The following TSPEAR variants were observed in gnomAD, a reference collection of about 807,000 sequenced individuals.
TSPEAR encodes the protein thrombospondin-type laminin G domain and EAR repeat-containing protein.
Under a neutral mutation model 71.6 loss-of-function variants are expected in TSPEAR, and 69 were observed. That is an observed-to-expected ratio of 0.96 (90% CI 0.79 to 1.18). TSPEAR has a LOEUF of 1.18. TSPEAR is among the 50% of genes most tolerant of loss of function. The pLI is 0.00. For synonymous variants in TSPEAR, 402 were observed against 387.2 expected (o/e 1.04, Z -0.45); for missense variants, 971 against 894.9 (o/e 1.09, Z -1.09).
intron 2 of TSPEAR, among the ~76,000 whole-genome samples, chr21:44,556,464 G>A (rs782399111): frequency 1.7e-4 from 25 of 150,162 alleles, no homozygotes; most frequent in Non-Finnish European, 2.5e-4. Context: ...AGGCCGAGGC[G>A]GGTGGATCAT....
At chr21:44,525,503 C>T (rs2052836098) in intron 8 of TSPEAR, 150 bp downstream of exon 8, 3 of 861,454 alleles carry the variant, frequency 3.5e-6, no homozygotes, top group East Asian at 2.6e-5. Flanking sequence ...GTCCCTCCCC[C>T]AGACAGTGAG....
At chr21:44,518,617 T>C (rs1354103468) in intron 9 of TSPEAR, 4 of 469,314 alleles carry the variant, frequency 8.5e-6, no homozygotes, top group Non-Finnish European at 1.8e-5. Flanking sequence ...TTGTGGTGCC[T>C]TTCCATCCAG....
chr21:44,706,529 T>TC (rs1987935291), intron 1 of TSPEAR, among the ~76,000 whole-genome samples: 1 of 152,038 alleles, frequency 6.6e-6, no homozygotes, highest in Admixed American at 6.5e-5. Flanking sequence ...AGAACGATCC[T>TC]CCCTGAGTCC....
At chr21:44,580,045 G>T in intron 1 of TSPEAR, 1 of 1,594,410 alleles carries the variant, frequency 6.3e-7, no homozygotes, top group South Asian at 1.1e-5. Context: ...AGACAGGCTT[G>T]CAACAGACAG....
intron 2 of TSPEAR, among the ~76,000 whole-genome samples, chr21:44,559,748 C>T (rs2053606785): frequency 6.6e-6 from 1 of 152,160 alleles, no homozygotes; most frequent in Non-Finnish European, 1.5e-5. Context: ...GCTAGTAAGC[C>T]CCCAAAGTTC....
intron 1 of TSPEAR, among the ~76,000 whole-genome samples, chr21:44,590,652 G>T (rs587717681): frequency 6.6e-6 from 1 of 152,322 alleles, no homozygotes; most frequent in South Asian, 2.1e-4. Context: ...GTCCATAGCT[G>T]GTCTCCCCAG....
intron 1 of TSPEAR, among the ~76,000 whole-genome samples, chr21:44,572,834 G>GACACACACACAC (rs71199612): frequency 4.8e-5 from 6 of 124,804 alleles, no homozygotes; most frequent in African/African-American, 1.6e-4. Context: ...GGGAGATTTG[G>GACACACACACAC]ACACACACAC....
intron 1 of TSPEAR, chr21:44,666,757 C>A: frequency 6.2e-7 from 1 of 1,613,988 alleles, no homozygotes; most frequent in Non-Finnish European, 8.5e-7. Context: ...GGCACACACA[C>A]GGAGGACTGG....
intron 1 of TSPEAR, among the ~76,000 whole-genome samples, chr21:44,663,433 A>G (rs1487814931): frequency 6.6e-6 from 1 of 152,120 alleles, no homozygotes; most frequent in South Asian, 2.1e-4. Context: ...GAATAGTATC[A>G]TATCTATTAA....
At chr21:44,512,412 C>T (rs782385274) in intron 9 of TSPEAR, among the ~76,000 whole-genome samples, 5 of 151,910 alleles carry the variant, frequency 3.3e-5, no homozygotes, top group African/African-American at 9.7e-5. Flanking sequence ...CTTCTGGAGA[C>T]CCCTCAGAGA....
At chr21:44,527,614 A>ACTT in intron 6 of TSPEAR, 96 bp from the exon 7 acceptor site, 1 of 1,187,684 alleles carries the variant, frequency 8.4e-7, no homozygotes, top group Admixed American at 1.9e-5. Flanking sequence ...CCAAGTCACA[A>ACTT]GCCACGACTC....
chr21:44,558,348 A>G (rs1555920309), intron 2 of TSPEAR: 1 of 1,613,338 alleles, frequency 6.2e-7, no homozygotes, highest in Admixed American at 1.7e-5. Context: ...CACACAGCAG[A>G]TGGGCTTGCA....
rs147628953 is a variant in TSPEAR, at chr21:44,612,577, C to T, written c.83-44572G>A. ...GCCAGTCAGCTTGCTGCACCTTCTC[C>T]CCATGCCAACAGGCCTGCTGTGTGC... On this transcript the variant is annotated intron_variant, in intron 1 of 11. Coordinates refer to ENST00000323084, the MANE Select transcript of TSPEAR (RefSeq NM_144991.3). This position sits in a 1 kb window ranked among gnomAD's most constrained non-coding sequence, Gnocchi z 4.1. 1.2e-6 allele frequency: 2 copies of T among 1,614,086 alleles called. No individual in the cohort carries two copies. The highest frequency in any genetic ancestry group is 1.1e-5 in the South Asian group (1 of 91,074).
rs1273112416 is a variant in TSPEAR at position 44,604,279 on chromosome 21, T to C, written c.83-36274A>G. On this transcript the variant is annotated intron_variant, in intron 1 of 11. Transcript: ENST00000323084. The stretch of plus-strand genomic sequence containing the variant: ...ACTTCTGTTGGTTTCTGAACCAGCA[T>C]TGATGACCTTCACCCACAGTATGTA... Among the ~76,000 whole-genome samples, 7 of 152,296 alleles carry C rather than the reference T, an allele frequency of 4.6e-5. No homozygotes were observed. The South Asian group carries it at 1.2e-3, about 27-fold the overall frequency.
At chr21:44,534,903 G>T in intron 2 of TSPEAR, among the ~76,000 whole-genome samples, 1 of 152,314 alleles carries the variant, frequency 6.6e-6, no homozygotes, top group East Asian at 1.9e-4. Flanking sequence ...ATGGGTAAAC[G>T]CAGTGTGGTC....
chr21:44,667,036 G>T, intron 1 of TSPEAR: 1 of 926,924 alleles, frequency 1.1e-6, no homozygotes, highest in Non-Finnish European at 1.6e-6. Flanking sequence ...CTGTCTCCTG[G>T]AGCTTAATTT....
intron 1 of TSPEAR, chr21:44,666,132 A>C: frequency 2.9e-6 from 1 of 341,804 alleles, no homozygotes; most frequent in Non-Finnish European, 5.3e-6. Context: ...CTATGTAATC[A>C]GCAGAATAGA....
At chr21:44,534,568 A>G (rs2053055803) in intron 2 of TSPEAR, among the ~76,000 whole-genome samples, 1 of 151,976 alleles carries the variant, frequency 6.6e-6, no homozygotes, top group Non-Finnish European at 1.5e-5. Flanking sequence ...AGTCAGGAGC[A>G]CGGGTCCATG....
chr21:44,532,182 G>A (rs1228961116), intron 3 of TSPEAR, among the ~76,000 whole-genome samples: 2 of 152,232 alleles, frequency 1.3e-5, no homozygotes, highest in Non-Finnish European at 2.9e-5. Context: ...GACTCCCCAT[G>A]TCCCACCATC....
Sources: gnomAD v4.1 joint callset for allele counts (sites outside exome capture counted in the v4.1 genomes callset) on GRCh38, gnomAD v4.1.1 for gene constraint, Gnocchi (gnomAD v3.1) non-coding constraint, MANE v1.5 for transcripts, NCBI Gene and HGNC (gene_info 2026-07-23, HGNC 2026-07-21) for gene names.